CIC: variants seen among roughly 807,000 people sequenced by gnomAD.
CIC encodes capicua transcriptional repressor.
CIC carries 18 observed loss-of-function variants against 115.7 expected under a neutral mutation model. That is an observed-to-expected ratio of 0.16 (90% confidence interval 0.11 to 0.23). The LOEUF is 0.23. Ranked by LOEUF, CIC falls within the 10% of genes least tolerant of loss-of-function variation. The pLI, the probability that CIC is intolerant of heterozygous loss-of-function variation, is 1.00. For synonymous variants in CIC, 1,076 were observed against 923.0 expected (o/e 1.17, Z -3.01); for missense variants, 2,000 against 2,159.3 (o/e 0.93, Z 1.46).
intron 16 of CIC, 116 bp from the exon 17 acceptor site, chr19:42,293,476 G>A: frequency 6.5e-7 from 1 of 1,545,844 alleles, no homozygotes; most frequent in African/African-American, 1.4e-5. Flanking sequence ...CTGAGGCCGT[G>A]TGACAGCCTT....
At position 42,273,421 on chromosome 19, in the gene CIC, C is replaced by T. The variant is rs189529121; in HGVS notation, c.1638C>T (p.Pro546=). ...ADSGPGGAGR[P]AAVAAREGST... ...GTGGGCCTGGCGGGGCGGGCCGGCC[C>T]GCGGCCGTGGCAGCCCGTGAGGGCA... is the stretch of plus-strand genomic sequence containing the variant. The change falls in exon 2 of 21, where the codon CCC becomes CCT. Residue 546 remains proline, a synonymous_variant. Transcript: ENST00000681038. The T allele has an allele frequency of 3.4e-3, 1,373 of 398,376 alleles. 2 individuals are homozygous for T. The highest frequency in any genetic ancestry group is 5.1e-3 in the Non-Finnish European group (1,162 of 225,916). 24.7% of individuals were successfully genotyped at this position (398,376 alleles called of 1,614,324 possible). A position where few individuals can be genotyped will look rare whatever the true frequency, so the allele number is the denominator to read the frequency against.
In CIC at chr19:42,288,908, G is replaced by A. The variant is rs376580917; in HGVS notation, c.3679G>A (p.Val1227Ile). Residue 1227 changes from valine (V) to isoleucine (I), a missense_variant, in exon 8 of 21, where the codon GTT becomes ATT. Physicochemically the swap from Val to Ile is conservative, Grantham distance 29. Around this residue, in one of 8 missense-constraint regions of CIC, gnomAD observed 1,466 missense variants for 1,390.4 expected, o/e 1.05. Transcript: ENST00000681038. Reference sequence around the variant, plus strand: ...TACAGTGTCCTCTGAGCTCCTGTCCGTTGCAGCCCAGACACTCCTGAGCTC... The same window carrying A: ...TACAGTGTCCTCTGAGCTCCTGTCCATTGCAGCCCAGACACTCCTGAGCTC... The part of the protein sequence containing the change: ...APGVSSELLS[V>I]AAQTLLSSDT... 6.2e-6 allele frequency: 10 copies of A among 1,613,952 alleles called. No individual in the cohort carries two copies. Among genetic ancestry groups the A allele is most frequent in the African/African-American group, 5.3e-5 (4 of 74,918 alleles).
intron 1 of CIC, among the ~76,000 whole-genome samples, chr19:42,269,823 TGA>T (rs1256674622): frequency 6.7e-6 from 1 of 149,554 alleles, no homozygotes; most frequent in East Asian, 2.0e-4. Flanking sequence ...AGTGACAGGA[TGA>T]GAGAGAGAGT....
intron 2 of CIC, among the ~76,000 whole-genome samples, chr19:42,279,562 G>C (rs1050830634): frequency 6.6e-6 from 1 of 152,254 alleles, no homozygotes; most frequent in Non-Finnish European, 1.5e-5. Flanking sequence ...GCAAAGACCA[G>C]GAAGAGTGAA....
At position 42,287,457 on chromosome 19, in the gene CIC, A is replaced by T. The variant is rs1307125535; in HGVS notation, c.3309+8A>T. Reference sequence around the variant, plus strand: ...GGACGCAGCCCCAACAAGGTACTTTATCCCTGCCTGTCCTGTGCTCACCCC... The same window carrying T: ...GGACGCAGCCCCAACAAGGTACTTTTTCCCTGCCTGTCCTGTGCTCACCCC... On this transcript the variant is annotated splice_region_variant and intron_variant, in intron 5 of 20. Transcript: ENST00000681038. This position sits in a 1 kb window ranked among gnomAD's most constrained non-coding sequence, Gnocchi z 8.7. 6.2e-7 allele frequency: 1 copy of T among 1,612,922 alleles called. No homozygotes were observed. The highest frequency in any genetic ancestry group is 1.1e-5 in the South Asian group (1 of 91,080).
Position 42,293,934 on chromosome 19 carries a change from G to A in CIC, c.6768-1G>A, listed in dbSNP as rs2038338973. On this transcript the variant is annotated splice_acceptor_variant, in intron 17 of 20. Coordinates refer to ENST00000681038, the MANE Select transcript of CIC (RefSeq NM_001386298.1). LOFTEE classifies it high-confidence loss of function. ...GGGAGGTGACCCTGCCGGCCCTCCA[G>A]CAGGGTCCTGTCAGAAGTGGACTTC... The A allele has an allele frequency of 6.2e-7, 1 of 1,612,936 alleles. No homozygotes were observed. Among genetic ancestry groups the A allele is most frequent in the African/African-American group, 1.3e-5 (1 of 74,918 alleles).
chr19:42,268,539 GC>G (rs1458427522), upstream of CIC: 1 of 152,344 alleles, frequency 6.6e-6, no homozygotes, highest in South Asian at 2.1e-4. Flanking sequence ...TCCCCCTCGT[GC>G]CGCTACCGCT....
Position 42,293,846 on chromosome 19 carries a change from G to C in CIC, c.6767+10G>C. 6.2e-7 allele frequency: 1 copy of C among 1,613,042 alleles called. No homozygotes were observed. The highest frequency in any genetic ancestry group is 8.5e-7 in the Non-Finnish European group (1 of 1,179,806). ...TTGACTCTGTGGACAAGTGAGCATG[G>C]GCTGGGGCCTTGGTGGAGCGTGTTA... is the stretch of plus-strand genomic sequence containing the variant. On this transcript the variant is annotated intron_variant, in intron 17 of 20. Transcript: ENST00000681038.
At chr19:42,277,134 C>A (rs1242085047) in intron 2 of CIC, among the ~76,000 whole-genome samples, 1 of 152,168 alleles carries the variant, frequency 6.6e-6, no homozygotes, top group African/African-American at 2.4e-5. Context: ...CTCACAATGC[C>A]CCAGGCTAGT....
chr19:42,275,759 C>T (rs1290054121), intron 2 of CIC, among the ~76,000 whole-genome samples: 1 of 152,196 alleles, frequency 6.6e-6, no homozygotes, highest in African/African-American at 2.4e-5. Context: ...AGCAGTCTTC[C>T]TGTCTTGGCC....
At chr19:42,269,907 C>T (rs1458550951) in intron 1 of CIC, among the ~76,000 whole-genome samples, 1 of 151,968 alleles carries the variant, frequency 6.6e-6, no homozygotes, top group Admixed American at 6.6e-5. Context: ...AGGGCCTGGG[C>T]TGGCCTGGGC....
intron 2 of CIC, among the ~76,000 whole-genome samples, chr19:42,286,004 C>G (rs2037612369): frequency 6.6e-6 from 1 of 152,216 alleles, no homozygotes; most frequent in Non-Finnish European, 1.5e-5. Flanking sequence ...AGGAGTTTAC[C>G]ACACCCTCCC....
rs1323824991 is a variant in CIC at position 42,292,177 on chromosome 19, C to T, written c.5705C>T (p.Pro1902Leu). 8 of 1,613,942 alleles carry T rather than the reference C, an allele frequency of 5.0e-6. No individual in the cohort carries two copies. The highest frequency in any genetic ancestry group is 1.3e-5 in the African/African-American group (1 of 74,924). The change falls in exon 13 of 21, where the codon CCT becomes CTT. Residue 1902 changes from proline (P) to leucine (L), a missense_variant. Physicochemically the swap from Pro to Leu is moderately conservative, Grantham distance 98. Transcript: ENST00000681038. ...ACACTCCCTGGACCCACCTCTCAGC[C>T]TCAGAAGGTCCTGTTGCCCTCCTCC... ...PATLPGPTSQ[P>L]QKVLLPSSTR... is the part of the protein sequence containing the mutation.
chr19:42,289,475 T>C, intron 9 of CIC, 69 bp downstream of exon 9: 1 of 1,494,534 alleles, frequency 6.7e-7, no homozygotes, highest in Non-Finnish European at 9.1e-7. Flanking sequence ...TGGGCAGAAC[T>C]TGGATCCAGG....
intron 1 of CIC, among the ~76,000 whole-genome samples, chr19:42,271,186 G>A (rs1253526829): frequency 6.6e-6 from 1 of 152,202 alleles, no homozygotes; most frequent in Non-Finnish European, 1.5e-5. Context: ...TCTCTGCATG[G>A]TGACAGTGCG....
Position 42,287,549 on chromosome 19 carries a change from A to T in CIC, c.3314A>T (p.Glu1105Val). The T allele has an allele frequency of 6.2e-7, 1 of 1,613,314 alleles. No individual in the cohort carries two copies. Among genetic ancestry groups the T allele is most frequent in the African/African-American group, 1.3e-5 (1 of 75,032 alleles). The change falls in exon 6 of 21, where the codon GAG (glutamate) becomes GTG (valine). Residue 1105 changes from glutamate to valine, a missense_variant. By Grantham distance (121) the Glu-to-Val change is moderately radical. This residue lies in a region of CIC where 222 missense variants were observed against 247.7 expected (regional missense o/e 0.90). Coordinates refer to ENST00000681038, the MANE Select transcript of CIC (RefSeq NM_001386298.1). The surrounding 1 kb of genome is among the most constrained non-coding windows in gnomAD (Gnocchi z 8.7). The stretch of plus-strand genomic sequence containing the variant: ...TCTGGGCTGTGTTTAATGCAGCGGG[A>T]GAAGGACCACATCCGGCGGCCCATG... ...EKDGRSPNKREKDHIRRPMNA... is the reference protein window; with the variant it reads ...EKDGRSPNKRVKDHIRRPMNA...
At position 42,293,960 on chromosome 19, in the gene CIC, G is replaced by C; in HGVS notation, c.6793G>C (p.Glu2265Gln). 6.2e-7 allele frequency: 1 copy of C among 1,613,466 alleles called. No individual in the cohort carries two copies. Among genetic ancestry groups the C allele is most frequent in the South Asian group, 1.1e-5 (1 of 91,088 alleles). ...CAGGGTCCTGTCAGAAGTGGACTTC[G>C]AAGAGCGCTTTGCTGAGTTGCCTGA... ...DNRVLSEVDF[E>Q]ERFAELPEFR... The change falls in exon 18 of 21, where the codon GAA becomes CAA. Residue 2265 changes from glutamate to glutamine, a missense_variant. Physicochemically the swap from Glu to Gln is conservative, Grantham distance 29. Transcript: ENST00000681038.
chr19:42,268,876 C>A (rs1261125411), upstream of CIC, among the ~76,000 whole-genome samples: 2 of 152,242 alleles, frequency 1.3e-5, no homozygotes, highest in Non-Finnish European at 2.9e-5. Context: ...CCTTTCATTT[C>A]ATTGGCTACT....
intron 1 of CIC, among the ~76,000 whole-genome samples, chr19:42,269,599 G>A (rs1339166366): frequency 3.3e-5 from 5 of 151,562 alleles, no homozygotes; most frequent in African/African-American, 1.2e-4. Flanking sequence ...GGAATGGAGG[G>A]GTGACAGGAC....
Sources: allele counts gnomAD v4.1 joint callset (sites outside exome capture counted in the v4.1 genomes callset), GRCh38; gene constraint gnomAD v4.1.1; regional missense constraint gnomAD v4.1.1; non-coding constraint Gnocchi (gnomAD v3.1); transcripts MANE v1.5; gene names NCBI Gene and HGNC (gene_info 2026-07-23, HGNC 2026-07-21).